C6orf120: variants seen among roughly 807,000 people sequenced by gnomAD.
C6orf120 encodes the protein UPF0669 protein C6orf120.
For synonymous variants in C6orf120, 165 were observed against 123.1 expected, an observed-to-expected ratio of 1.34 and a Z score of -2.25; for missense variants, 311 against 264.2, an observed-to-expected ratio of 1.18 and a Z score of -1.23.
At chr6:169,705,187 T>C (rs749971973), downstream of C6orf120, 8 of 1,613,714 alleles carry the variant, frequency 5.0e-6, no homozygotes, top group African/African-American at 6.7e-5. Flanking sequence ...CTGTCACACA[T>C]ATCACAGAAC....
At chr6:169,705,299 C>T (rs1788743155), downstream of C6orf120, 1 of 1,609,666 alleles carries the variant, frequency 6.2e-7, no homozygotes, top group African/African-American at 1.3e-5. Context: ...GCTCCATTGT[C>T]ATATCCAGGC....
chr6:169,702,945 T>C (rs1373709706), exon 1 of C6orf120: 1 of 1,611,388 alleles, frequency 6.2e-7, no homozygotes, highest in Non-Finnish European at 8.5e-7. Flanking sequence ...AGCACGCTGG[T>C]GCCCCGGAAG....
chr6:169,705,386 A>G (rs1788746340), downstream of C6orf120: 1 of 1,148,626 alleles, frequency 8.7e-7, no homozygotes, highest in Non-Finnish European at 1.3e-6. Flanking sequence ...GGCACATAAA[A>G]TACTAGTTTG....
Position 169,704,054 on chromosome 6 carries a change from G to A in C6orf120, c.*1019G>A, listed in dbSNP as rs138612904. 1.6e-4 allele frequency: 253 copies of A among 1,586,386 alleles called. 1 individual carries two copies. The African/African-American group carries it at 2.4e-3, about 15-fold the overall frequency. On this transcript the variant is annotated 3_prime_UTR_variant, in exon 1 of 1. Coordinates refer to ENST00000332290, the Ensembl canonical transcript of C6orf120. Reference sequence around the variant, plus strand: ...TTCTGCCCACTTTCCTGGGTGTTGGGGGGGCCCGCTGACAACAGTCACAAA... The same window carrying A: ...TTCTGCCCACTTTCCTGGGTGTTGGAGGGGCCCGCTGACAACAGTCACAAA...
chr6:169,704,196 G>A, exon 1 of C6orf120: 1 of 762,030 alleles, frequency 1.3e-6, no homozygotes, highest in Non-Finnish European at 2.0e-6. Flanking sequence ...ATTCCTCTCT[G>A]GATTTTGTGG....
At chr6:169,705,932 A>T (rs1221949334), downstream of C6orf120, among the ~76,000 whole-genome samples, 1 of 152,240 alleles carries the variant, frequency 6.6e-6, no homozygotes, top group African/African-American at 2.4e-5. Context: ...TTTGGTAAAC[A>T]GCATGATCTC....
At chr6:169,704,292 G>A (rs547106990) in exon 1 of C6orf120, 1 of 510,504 alleles carries the variant, frequency 2.0e-6, no homozygotes, top group African/African-American at 2.0e-5. Context: ...TTCATTGCAA[G>A]TCAAGGGGGA....
At chr6:169,702,839 G>T (rs562986387) in exon 1 of C6orf120, 1 of 1,612,154 alleles carries the variant, frequency 6.2e-7, no homozygotes, top group East Asian at 2.2e-5. Flanking sequence ...CACCTGGAGA[G>T]CGAGTTCGAG....
chr6:169,702,792 G>T, exon 1 of C6orf120: 1 of 1,613,086 alleles, frequency 6.2e-7, no homozygotes, highest in Non-Finnish European at 8.5e-7. Flanking sequence ...CGCACTTCCG[G>T]CGCCCAGTGG....
exon 1 of C6orf120, chr6:169,703,421 C>G (rs1788568008): frequency 8.3e-6 from 2 of 240,812 alleles, no homozygotes; most frequent in Non-Finnish European, 1.8e-5. Context: ...TGTAAGTTTT[C>G]AAGAGTTACT....
downstream of C6orf120, chr6:169,705,405 C>T: frequency 2.1e-6 from 2 of 953,128 alleles, no homozygotes; most frequent in Non-Finnish European, 3.2e-6. Context: ...TGCTTTAGGA[C>T]TTCCAGAGAA....
upstream of C6orf120, chr6:169,702,170 A>C (rs554446066): frequency 3.1e-6 from 2 of 645,348 alleles, no homozygotes; most frequent in South Asian, 1.5e-5. Flanking sequence ...CGGATGTATA[A>C]AGCGCGGCCC....
chr6:169,702,400 G>A, exon 1 of C6orf120: 1 of 1,045,366 alleles, frequency 9.6e-7, no homozygotes, highest in Non-Finnish European at 1.4e-6. Context: ...GGTGCTGAGC[G>A]CCTCCGGTGT....
chr6:169,705,142 T>G, downstream of C6orf120: 2 of 1,606,242 alleles, frequency 1.2e-6, no homozygotes, highest in South Asian at 2.2e-5. Context: ...CCTGATGGAA[T>G]AGCACCAAGG....
rs142980828 is a variant in C6orf120 at position 169,704,329 on chromosome 6, A to G, written c.*1294A>G. The G allele has an allele frequency of 3.3e-3, 1,472 of 441,176 alleles. 2 individuals carry two copies. The highest frequency in any genetic ancestry group is 4.7e-3 in the Non-Finnish European group (1,143 of 244,930). The allele number at this position is 441,176 out of a possible 1,614,324, so 27.3% of individuals were successfully genotyped here. ...GGGAGAGATGCAATGCCATACGGTG[A>G]TACGGACCTTTAAGAAAGTACAATC... On this transcript the variant is annotated 3_prime_UTR_variant, in exon 1 of 1. Transcript: ENST00000332290.
At chr6:169,702,450 G>T in exon 1 of C6orf120, 1 of 1,510,188 alleles carries the variant, frequency 6.6e-7, no homozygotes, top group South Asian at 1.2e-5. Flanking sequence ...CCGGAGCTGA[G>T]CCGCCAGCCA....
chr6:169,703,331 G>A (rs963754375), exon 1 of C6orf120: 1 of 409,096 alleles, frequency 2.4e-6, no homozygotes, highest in Non-Finnish European at 4.6e-6. Context: ...ATATAAAATA[G>A]AGCAACCTTT....
In C6orf120 at chr6:169,702,747, G is replaced by GA. The variant is rs1280502698; in HGVS notation, c.288_289insA (p.Ala97SerfsTer85). ...GCTTCGACGACTACGAGCTGCAATC[G>GA]GCCACCTGCGGCCCGGACGCCGTGT... On this transcript the variant is annotated frameshift_variant, in exon 1 of 1. Coordinates refer to ENST00000332290, the Ensembl canonical transcript of C6orf120. LOFTEE classifies it low-confidence loss of function (END_TRUNC). 1 of 1,613,382 alleles carries GA rather than the reference G, an allele frequency of 6.2e-7. No individual in the cohort carries two copies. Among genetic ancestry groups the GA allele is most frequent in the Non-Finnish European group, 8.5e-7 (1 of 1,179,992 alleles).
At chr6:169,703,795 T>G in exon 1 of C6orf120, 1 of 517,992 alleles carries the variant, frequency 1.9e-6, no homozygotes, top group Non-Finnish European at 3.4e-6. Context: ...ATTTTTGGAG[T>G]GAGCCAAGGT....
Sources: gnomAD v4.1 joint callset for allele counts (sites outside exome capture counted in the v4.1 genomes callset) on GRCh38, gnomAD v4.1.1 for gene constraint, MANE v1.5 for transcripts, NCBI Gene and HGNC (gene_info 2026-07-23, HGNC 2026-07-21) for gene names.